DSTYK: variants seen among roughly 807,000 people sequenced by gnomAD.
The protein encoded by DSTYK is dual serine/threonine and tyrosine protein kinase.
DSTYK carries 34 observed loss-of-function variants against 98.7 expected under a neutral mutation model. The ratio of observed to expected loss-of-function variants is 0.34; its 90% confidence interval spans 0.26 to 0.46. The LOEUF (loss-of-function observed/expected upper bound fraction) is 0.46. DSTYK is among the 20% of genes least tolerant of loss of function. The probability of loss-of-function intolerance (pLI) is 1.00; values close to 1 mark genes in which losing one functional copy is unlikely to be tolerated. For synonymous variants in DSTYK, 462 were observed against 457.3 expected (o/e 1.01, Z -0.13); for missense variants, 962 against 1,181.7 (o/e 0.81, Z 2.73).
chr1:205,194,529 G>C (rs1162646345), intron 1 of DSTYK, among the ~76,000 whole-genome samples: 1 of 143,800 alleles, frequency 7.0e-6, no homozygotes, highest in Non-Finnish European at 1.5e-5. Flanking sequence ...TCCTTCAGTA[G>C]TTTTAAAAAT....
intron 2 of DSTYK, among the ~76,000 whole-genome samples, chr1:205,183,082 A>AG (rs1422093995): frequency 1.4e-5 from 2 of 141,498 alleles, no homozygotes; most frequent in Admixed American, 7.1e-5. Context: ...AAAAAAAAGC[A>AG]CACACACACA....
chr1:205,168,593 G>T (rs1449677701), intron 3 of DSTYK, among the ~76,000 whole-genome samples: 2 of 152,170 alleles, frequency 1.3e-5, no homozygotes, highest in East Asian at 3.8e-4. Flanking sequence ...TTATACAGAA[G>T]TCAGTATACA....
chr1:205,163,894 T>C lies in DSTYK; in HGVS notation c.1386A>G (p.Arg462=). 8.1e-6 allele frequency: 13 copies of C among 1,614,120 alleles called. No individual in the cohort carries two copies. Among genetic ancestry groups the C allele is most frequent in the Middle Eastern group, 1.6e-4 (1 of 6,062 alleles). Residue 462 remains arginine, a synonymous_variant, in exon 4 of 13, where the codon CGA becomes CGG. Transcript: ENST00000367162. ...GGGAGATGATGAGTTCCTGGATCTG[T>C]CGGATGCAGCATTTGATCTCTCTGG... ...VGTREIKCCI[R]QIQELIISRL...
At chr1:205,203,729 A>C (rs1431186962) in intron 1 of DSTYK, among the ~76,000 whole-genome samples, 2 of 151,942 alleles carry the variant, frequency 1.3e-5, no homozygotes, top group Non-Finnish European at 2.9e-5. Context: ...CAGCCTGACC[A>C]ATATGGTGAA....
chr1:205,158,374 G>A (rs1047687209), intron 9 of DSTYK, among the ~76,000 whole-genome samples: 1 of 151,918 alleles, frequency 6.6e-6, no homozygotes, highest in East Asian at 1.9e-4. Flanking sequence ...GAGACTCTGA[G>A]GTCAGCTTTT....
chr1:205,197,889 T>C (rs1180243067), intron 1 of DSTYK, among the ~76,000 whole-genome samples: 1 of 152,096 alleles, frequency 6.6e-6, no homozygotes, highest in Non-Finnish European at 1.5e-5. Context: ...AACCATCAGG[T>C]TCATTAAATA....
intron 11 of DSTYK, among the ~76,000 whole-genome samples, chr1:205,149,671 T>C (rs1256692353): frequency 6.6e-6 from 1 of 152,230 alleles, no homozygotes; most frequent in Non-Finnish European, 1.5e-5. Context: ...AAATCATCTT[T>C]ACCTACTGTT....
chr1:205,147,233 A>C lies in DSTYK; in HGVS notation c.*325T>G. ...GCAGTGTCCCGCTTGCTGTCTTAGAAGTATATACAGTGAAAAGACAATGGT... is the reference window on the plus strand; with the variant it reads ...GCAGTGTCCCGCTTGCTGTCTTAGACGTATATACAGTGAAAAGACAATGGT... On this transcript the variant is annotated 3_prime_UTR_variant, in exon 13 of 13. Coordinates refer to ENST00000367162, the MANE Select transcript of DSTYK (RefSeq NM_015375.3). 4.8e-6 allele frequency: 1 copy of C among 207,668 alleles called. No individual in the cohort carries two copies. Among genetic ancestry groups the C allele is most frequent in the East Asian group, 1.0e-4 (1 of 9,928 alleles). 12.9% of individuals were successfully genotyped at this position (207,668 alleles called of 1,614,324 possible). A position where few individuals can be genotyped will look rare whatever the true frequency, so the allele number is the denominator to read the frequency against.
chr1:205,165,851 T>C lies in DSTYK; in HGVS notation c.1325-1896A>G, dbSNP rs920981594. Among the ~76,000 whole-genome samples, 10 of 152,078 alleles carry C rather than the reference T, an allele frequency of 6.6e-5. No homozygotes were observed. In the South Asian group the frequency reaches 8.3e-4, roughly 13 times the overall value. ...CTGTCTCTACTAAATACAGGTATGATGGTGTGATGGTGCACACCTTTAGAC... is the reference window on the plus strand; with the variant it reads ...CTGTCTCTACTAAATACAGGTATGACGGTGTGATGGTGCACACCTTTAGAC... On this transcript the variant is annotated intron_variant, in intron 3 of 12. Coordinates refer to ENST00000367162, the MANE Select transcript of DSTYK (RefSeq NM_015375.3).
chr1:205,160,480 CAT>C (rs1657685340), intron 7 of DSTYK, among the ~76,000 whole-genome samples: 1 of 152,054 alleles, frequency 6.6e-6, no homozygotes, highest in Non-Finnish European at 1.5e-5. Context: ...GGATTACAGG[CAT>C]ACGCCACCAC....
chr1:205,163,523 T>C (rs975208068), intron 4 of DSTYK, among the ~76,000 whole-genome samples, 200 bp downstream of exon 4: 1 of 152,292 alleles, frequency 6.6e-6, no homozygotes, highest in East Asian at 1.9e-4. Context: ...CTGGCCTATA[T>C]TCATCAACTT....
intron 1 of DSTYK, among the ~76,000 whole-genome samples, chr1:205,210,179 AGACGT>A (rs959580776): frequency 2.2e-4 from 34 of 152,238 alleles, no homozygotes; most frequent in African/African-American, 7.9e-4. Context: ...CTGGGATTAC[AGACGT>A]GAGCCACCGC....
intron 1 of DSTYK, among the ~76,000 whole-genome samples, chr1:205,199,487 A>G (rs1299269520): frequency 3.3e-5 from 5 of 152,178 alleles, no homozygotes; most frequent in Admixed American, 2.0e-4. Flanking sequence ...GGAGACACAC[A>G]TCTTAAGCAT....
At chr1:205,164,077 T>TCATCAAC in intron 3 of DSTYK, 122 bp from the exon 4 acceptor site, 3 of 781,038 alleles carry the variant, frequency 3.8e-6, no homozygotes, top group Non-Finnish European at 6.3e-6. Flanking sequence ...CAAAAAGACA[T>TCATCAAC]GATTCGTTGA....
chr1:205,182,498 TAAA>T (rs386369411), intron 2 of DSTYK, among the ~76,000 whole-genome samples: 9 of 77,734 alleles, frequency 1.2e-4, no homozygotes, highest in South Asian at 5.6e-4. Context: ...TTAAAAACGG[TAAA>T]AAAAAAAAAA....
At chr1:205,156,324 G>A (rs1215861270) in intron 10 of DSTYK, among the ~76,000 whole-genome samples, 6 of 152,220 alleles carry the variant, frequency 3.9e-5, no homozygotes, top group Non-Finnish European at 8.8e-5. Flanking sequence ...AAAAGCCACA[G>A]ACACTCAACA....
At chr1:205,206,178 C>G (rs1205300660) in intron 1 of DSTYK, among the ~76,000 whole-genome samples, 3 of 152,184 alleles carry the variant, frequency 2.0e-5, no homozygotes, top group Non-Finnish European at 4.4e-5. Flanking sequence ...ATCCCCCATA[C>G]GCAGCACATT....
At chr1:205,177,198 C>T (rs1385775269) in intron 2 of DSTYK, among the ~76,000 whole-genome samples, 1 of 152,076 alleles carries the variant, frequency 6.6e-6, no homozygotes. Context: ...CAGAGTGAGA[C>T]CCTATTTCTA....
intron 3 of DSTYK, among the ~76,000 whole-genome samples, chr1:205,166,371 G>A (rs759262366): frequency 2.0e-5 from 3 of 151,796 alleles, no homozygotes; most frequent in Non-Finnish European, 4.4e-5. Flanking sequence ...CTGGCTCAAC[G>A]CTGGGCACGA....
Sources: gnomAD v4.1 joint callset for allele counts (sites outside exome capture counted in the v4.1 genomes callset) on GRCh38, gnomAD v4.1.1 for gene constraint, MANE v1.5 for transcripts, NCBI Gene and HGNC (gene_info 2026-07-23, HGNC 2026-07-21) for gene names.